Variants in MANBA observed in about 807,000 individuals in gnomAD.
MANBA encodes the protein mannosidase beta.
Under a neutral mutation model 111.1 loss-of-function variants are expected in MANBA, and 83 were observed. The observed-to-expected ratio is 0.75, with a 90% CI of 0.63 to 0.90. The LOEUF (loss-of-function observed/expected upper bound fraction) is 0.90. MANBA is among the 40% of genes least tolerant of loss of function. The pLI is 0.00. For synonymous variants in MANBA, 370 were observed against 378.7 expected (o/e 0.98, Z 0.27); for missense variants, 1,036 against 1,069.0 (o/e 0.97, Z 0.43).
In MANBA at chr4:102,689,637, A is replaced by C. The variant is rs1732387014; in HGVS notation, c.897T>G (p.Thr299=). The C allele has an allele frequency of 6.2e-7, 1 of 1,611,962 alleles. No homozygotes were observed. The highest frequency in any genetic ancestry group is 1.7e-5 in the Admixed American group (1 of 59,960). ...TWWPHGHGNQ[T]GYNMTVLFEL... is the part of the protein sequence containing the mutation. ...CAAAAAGAACAGTCATGTTGTACCC[A>C]GTCTGGTTTCCATGTCCATGAGGCC... is the stretch of plus-strand genomic sequence containing the variant. The change falls in exon 7 of 17, where the codon ACT becomes ACG. Residue 299 remains threonine, a synonymous_variant. Coordinates refer to ENST00000647097, the MANE Select transcript of MANBA (RefSeq NM_005908.4).
chr4:102,685,503 C>CTATGAAATATTA (rs550173345), intron 7 of MANBA, among the ~76,000 whole-genome samples: 2,962 of 152,056 alleles, frequency 0.019, 47 homozygotes, highest in African/African-American at 0.046. Flanking sequence ...TTATCTTTCA[C>CTATGAAATATTA]CACTATTACA....
At chr4:102,739,743 T>C (rs1220408823) in intron 1 of MANBA, among the ~76,000 whole-genome samples, 1 of 152,220 alleles carries the variant, frequency 6.6e-6, no homozygotes, top group Non-Finnish European at 1.5e-5. Context: ...GAGTCTAGCA[T>C]CCTTTATGAT....
intron 11 of MANBA, among the ~76,000 whole-genome samples, chr4:102,659,789 G>A (rs2110211808): frequency 6.6e-6 from 1 of 152,180 alleles, no homozygotes; most frequent in South Asian, 2.1e-4. Flanking sequence ...CCTCTCAGGT[G>A]TGCAATAAAT....
rs999486764 is a variant in MANBA at position 102,650,365 on chromosome 4, T to G, written c.1869+172A>C. Among the ~76,000 whole-genome samples, 25 of 152,346 alleles carry G rather than the reference T, an allele frequency of 1.6e-4. No homozygotes were observed. The South Asian group carries it at 4.8e-3, about 29-fold the overall frequency. ...TTGTAAGAGAGGCAAATGCCAAAAA[T>G]GAACTATTTCATGTCCTATGTGTCA... On this transcript the variant is annotated intron_variant, in intron 13 of 16. Transcript: ENST00000647097.
At chr4:102,723,674 C>T (rs1443418372) in intron 3 of MANBA, among the ~76,000 whole-genome samples, 188 bp downstream of exon 3, 9 of 152,186 alleles carry the variant, frequency 5.9e-5, no homozygotes, top group Admixed American at 2.0e-4. Flanking sequence ...CACACTAACC[C>T]CATGGGGTTT....
chr4:102,638,004 T>C (rs1367462541), intron 14 of MANBA, among the ~76,000 whole-genome samples: 2 of 152,190 alleles, frequency 1.3e-5, no homozygotes. Flanking sequence ...AGACTTAAAT[T>C]GGAGGGCACT....
At chr4:102,734,540 G>T in intron 1 of MANBA, 1 of 1,608,378 alleles carries the variant, frequency 6.2e-7, no homozygotes, top group Non-Finnish European at 8.5e-7. Flanking sequence ...GAAGTGCTGA[G>T]GTGACGAGGA....
chr4:102,645,475 T>C (rs954953477), intron 13 of MANBA, among the ~76,000 whole-genome samples: 6 of 152,088 alleles, frequency 3.9e-5, no homozygotes, highest in African/African-American at 1.4e-4. Context: ...AATTCACTAG[T>C]GAAGCCATCT....
At chr4:102,734,408 C>G in intron 1 of MANBA, 1 of 1,610,074 alleles carries the variant, frequency 6.2e-7, no homozygotes, top group Non-Finnish European at 8.5e-7. Flanking sequence ...AGCCCACTTT[C>G]CTGGAGAACC....
chr4:102,710,893 G>A (rs1007089998), intron 5 of MANBA, among the ~76,000 whole-genome samples: 4 of 151,988 alleles, frequency 2.6e-5, no homozygotes, highest in Non-Finnish European at 4.4e-5. Context: ...TAAATGGTGC[G>A]GGGAAAATTG....
chr4:102,717,872 T>C (rs976728665), intron 4 of MANBA, among the ~76,000 whole-genome samples: 16 of 152,158 alleles, frequency 1.1e-4, no homozygotes, highest in African/African-American at 3.4e-4. Flanking sequence ...AATGAGAAGC[T>C]GTTGAAGAGT....
At chr4:102,696,226 A>G (rs929031714) in intron 5 of MANBA, among the ~76,000 whole-genome samples, 2 of 152,204 alleles carry the variant, frequency 1.3e-5, no homozygotes, top group East Asian at 3.8e-4. Flanking sequence ...ACTTTGTCTC[A>G]AAGTAAAAAA....
intron 1 of MANBA, among the ~76,000 whole-genome samples, chr4:102,735,381 C>T (rs945362186): frequency 6.6e-6 from 1 of 151,648 alleles, no homozygotes; most frequent in Non-Finnish European, 1.5e-5. Context: ...CCTGTACATC[C>T]CCCATTCCTT....
intron 1 of MANBA, among the ~76,000 whole-genome samples, chr4:102,733,422 T>A (rs1723100707): frequency 6.6e-6 from 1 of 151,614 alleles, no homozygotes; most frequent in African/African-American, 2.4e-5. Flanking sequence ...GGCACAACCA[T>A]GGTTCACTAC....
At chr4:102,740,863 C>G (rs1723377498) in intron 1 of MANBA, among the ~76,000 whole-genome samples, 1 of 151,782 alleles carries the variant, frequency 6.6e-6, no homozygotes, top group Non-Finnish European at 1.5e-5. Flanking sequence ...AAGATAACAT[C>G]AGAAAAACTC....
At chr4:102,716,473 A>G (rs1722338522) in intron 4 of MANBA, among the ~76,000 whole-genome samples, 1 of 152,162 alleles carries the variant, frequency 6.6e-6, no homozygotes, top group Non-Finnish European at 1.5e-5. Flanking sequence ...TTCGATCTTT[A>G]GCCCCTGAAA....
At chr4:102,750,599 T>C (rs1018018793) in intron 1 of MANBA, among the ~76,000 whole-genome samples, 4 of 152,176 alleles carry the variant, frequency 2.6e-5, no homozygotes, top group Non-Finnish European at 5.9e-5. Flanking sequence ...TGAAATAATG[T>C]GATAACTGGG....
intron 1 of MANBA, among the ~76,000 whole-genome samples, chr4:102,760,294 G>A (rs1238737940): frequency 1.3e-5 from 2 of 152,140 alleles, no homozygotes; most frequent in African/African-American, 2.4e-5. Flanking sequence ...ATAAAAAACC[G>A]AGACATTACT....
chr4:102,664,037 C>T (rs80032281), intron 11 of MANBA, among the ~76,000 whole-genome samples: 1,718 of 152,306 alleles, frequency 0.011, 25 homozygotes, highest in African/African-American at 0.039. Context: ...TACTTTAACA[C>T]ATACGATTAC....
Sources: gnomAD v4.1 joint callset for allele counts (sites outside exome capture counted in the v4.1 genomes callset) on GRCh38, gnomAD v4.1.1 for gene constraint, MANE v1.5 for transcripts, NCBI Gene and HGNC (gene_info 2026-07-23, HGNC 2026-07-21) for gene names.